The following RNLS variants were observed in gnomAD, a reference collection of about 807,000 sequenced individuals.
RNLS encodes renalase.
RNLS carries 39 observed loss-of-function variants against 39.8 expected under a neutral mutation model. The ratio of observed to expected loss-of-function variants is 0.98; its 90% confidence interval spans 0.76 to 1.28. The LOEUF (loss-of-function observed/expected upper bound fraction) is 1.28. Among genes scored for constraint, RNLS ranks in the 50% most tolerant of loss-of-function variants. The pLI is 0.00. For synonymous variants in RNLS, 147 were observed against 150.7 expected, an observed-to-expected ratio of 0.98 and a Z score of 0.18; for missense variants, 410 against 413.3, an observed-to-expected ratio of 0.99 and a Z score of 0.07.
At chr10:88,509,196 A>G (rs1156716654) in intron 4 of RNLS, among the ~76,000 whole-genome samples, 1 of 152,224 alleles carries the variant, frequency 6.6e-6, no homozygotes, top group African/African-American at 2.4e-5. Flanking sequence ...ATCACTTTTT[A>G]AAAAACTGTA....
At chr10:88,451,473 A>G (rs10887824) in intron 4 of RNLS, among the ~76,000 whole-genome samples, 108,026 of 152,124 alleles carry the variant, frequency 0.71, 39,497 homozygotes, top group African/African-American at 0.89. Flanking sequence ...GGAAATGTCA[A>G]AGAGAGAAGG....
the RNLS span, among the ~76,000 whole-genome samples, chr10:88,172,842 G>GTTTGTTTTTTTTTTTTTT: frequency 6.9e-5 from 3 of 43,778 alleles, no homozygotes; most frequent in Non-Finnish European, 1.1e-4. Flanking sequence ...ATTTTGAGTT[G>GTTTGTTTTTTTTTTTTTT]TTTTTTTTTT....
chr10:88,516,225 T>G (rs1007728805), intron 4 of RNLS, among the ~76,000 whole-genome samples: 1 of 151,890 alleles, frequency 6.6e-6, no homozygotes, highest in African/African-American at 2.4e-5. Flanking sequence ...GGTTAGAAGA[T>G]ATAGAAGGAA....
chr10:88,293,934 C>G (rs1221428237), intron 6 of RNLS, among the ~76,000 whole-genome samples: 1 of 151,956 alleles, frequency 6.6e-6, no homozygotes, highest in African/African-American at 2.4e-5. Context: ...AACATGTTTC[C>G]CAGAAATCTG....
intron 4 of RNLS, among the ~76,000 whole-genome samples, chr10:88,382,723 C>T (rs189278854): frequency 6.6e-6 from 1 of 152,126 alleles, no homozygotes; most frequent in East Asian, 1.9e-4. Context: ...GTTTTCCTTG[C>T]ATCTTGATGA....
At chr10:88,295,917 A>C (rs1339483000) in intron 6 of RNLS, among the ~76,000 whole-genome samples, 1 of 152,212 alleles carries the variant, frequency 6.6e-6, no homozygotes, top group Non-Finnish European at 1.5e-5. Context: ...TGTTCAGAAG[A>C]AGCACACAAT....
rs74147228 is a variant in RNLS at position 88,558,884 on chromosome 10, A to G, written c.526+14019T>C. Among the ~76,000 whole-genome samples, 137 of 152,304 alleles carry G rather than the reference A, an allele frequency of 9.0e-4. 1 individual carries two copies. Among genetic ancestry groups the G allele is most frequent in the African/African-American group, 3.2e-3 (134 of 41,578 alleles). On this transcript the variant is annotated intron_variant, in intron 4 of 6. Transcript: ENST00000331772. The stretch of plus-strand genomic sequence containing the variant: ...TCTAAAATTAAGATCCCAGTTTATA[A>G]GTTTGCAGGCAGCCCAACAGACCAG...
chr10:88,443,648 T>C (rs1208159576), intron 4 of RNLS, among the ~76,000 whole-genome samples: 1 of 152,206 alleles, frequency 6.6e-6, no homozygotes, highest in Non-Finnish European at 1.5e-5. Flanking sequence ...TCTTAGCAAA[T>C]GGCACACCAG....
chr10:88,423,893 T>C (rs1854553960), intron 4 of RNLS, among the ~76,000 whole-genome samples: 1 of 152,194 alleles, frequency 6.6e-6, no homozygotes, highest in Admixed American at 6.5e-5. Flanking sequence ...AGAGCACAGC[T>C]TGGTGCAGTG....
At chr10:88,187,631 T>C in the RNLS span, among the ~76,000 whole-genome samples, 4 of 152,318 alleles carry the variant, frequency 2.6e-5, no homozygotes, top group African/African-American at 9.6e-5. Flanking sequence ...TCAGCTGTCC[T>C]GGAGGACAAG....
chr10:88,446,389 A>G (rs1257994905), intron 4 of RNLS, among the ~76,000 whole-genome samples: 1 of 152,222 alleles, frequency 6.6e-6, no homozygotes, highest in Admixed American at 6.5e-5. Flanking sequence ...ACACCTTAAC[A>G]TCACAATTAA....
Position 88,380,542 on chromosome 10 carries a change from A to ATT in RNLS, c.527-17819_527-17818dup, listed in dbSNP as rs561229821. The stretch of plus-strand genomic sequence containing the variant: ...AGGCGCCCGCCACCATGCCCAGCTA[A>ATT]TTTTTTTTTTTTTTGTATTTTTTAG... On this transcript the variant is annotated intron_variant, in intron 4 of 6. Coordinates refer to ENST00000331772, the MANE Select transcript of RNLS (RefSeq NM_001031709.3). 5.0e-5 allele frequency among the ~76,000 whole-genome samples: 7 copies of ATT among 139,540 alleles called. No individual in the cohort carries two copies. In the East Asian group the frequency reaches 1.2e-3, roughly 25 times the overall value. 91.5% of individuals were successfully genotyped at this position (139,540 alleles called of 152,430 possible).
chr10:88,263,318 A>G, the RNLS span, among the ~76,000 whole-genome samples: 1 of 152,118 alleles, frequency 6.6e-6, no homozygotes, highest in Admixed American at 6.6e-5. Flanking sequence ...CTGAGTGTCT[A>G]GAACAATTTT....
intron 4 of RNLS, among the ~76,000 whole-genome samples, chr10:88,436,747 A>C (rs1841436335): frequency 6.6e-6 from 1 of 152,148 alleles, no homozygotes; most frequent in Non-Finnish European, 1.5e-5. Flanking sequence ...TAATTAGATA[A>C]AAGTCTTTTT....
chr10:88,470,791 T>G (rs1257598314), intron 4 of RNLS, among the ~76,000 whole-genome samples: 3 of 152,010 alleles, frequency 2.0e-5, no homozygotes, highest in Admixed American at 1.3e-4. Flanking sequence ...AATTTTTGTA[T>G]TTTTAGTAGA....
rs899185986 is a variant in RNLS at position 88,459,003 on chromosome 10, A to G, written c.527-96278T>C. Among the ~76,000 whole-genome samples the G allele has an allele frequency of 2.2e-4, 33 of 152,292 alleles. 1 individual carries two copies. The highest frequency in any genetic ancestry group is 1.2e-3 in the Admixed American group (19 of 15,292). ...ATAGGCCCTTATATCTAGAACTCTC[A>G]CTCAATGCTTCCAACACTTTTTCAT... is the stretch of plus-strand genomic sequence containing the variant. On this transcript the variant is annotated intron_variant, in intron 4 of 6. Transcript: ENST00000331772.
intron 4 of RNLS, among the ~76,000 whole-genome samples, chr10:88,506,040 T>C (rs1201247558): frequency 6.6e-6 from 1 of 152,064 alleles, no homozygotes; most frequent in Non-Finnish European, 1.5e-5. Flanking sequence ...CCATCTATGT[T>C]TAACAATCCC....
At chr10:88,194,511 G>A in the RNLS span, among the ~76,000 whole-genome samples, 1 of 152,202 alleles carries the variant, frequency 6.6e-6, no homozygotes, top group Non-Finnish European at 1.5e-5. Context: ...GGAGAGGCAA[G>A]TGCTTTCTGA....
chr10:88,537,489 T>C (rs1847822130), intron 4 of RNLS, among the ~76,000 whole-genome samples: 1 of 152,208 alleles, frequency 6.6e-6, no homozygotes, highest in African/African-American at 2.4e-5. Flanking sequence ...TAACATATGC[T>C]AGGTTCATAC....
Sources: allele counts gnomAD v4.1 joint callset (sites outside exome capture counted in the v4.1 genomes callset), GRCh38; gene constraint gnomAD v4.1.1; transcripts MANE v1.5; gene names NCBI Gene and HGNC (gene_info 2026-07-23, HGNC 2026-07-21).